Variants in GCNT2 observed in about 807,000 individuals in gnomAD.
The protein encoded by GCNT2 is glucosaminyl (N-acetyl) transferase 2 (I blood group).
A neutral mutation model predicts 34.2 loss-of-function variants in GCNT2; 34 were observed. The ratio of observed to expected loss-of-function variants is 1.00; its 90% CI spans 0.76 to 1.32. The LOEUF (loss-of-function observed/expected upper bound fraction) is 1.32. GCNT2 is among the 40% of genes most tolerant of loss of function. GCNT2 has a pLI of 0.00. For synonymous variants in GCNT2, 212 were observed against 188.0 expected, an observed-to-expected ratio of 1.13 and a Z score of -1.04; for missense variants, 584 against 489.4, an observed-to-expected ratio of 1.19 and a Z score of -1.82.
chr6:10,599,230 T>A (rs993457401), intron 3 of GCNT2, among the ~76,000 whole-genome samples: 4 of 152,202 alleles, frequency 2.6e-5, no homozygotes, highest in Admixed American at 6.5e-5. Flanking sequence ...TGGGATCGAT[T>A]GTACCAGGTG....
At chr6:10,575,423 G>A (rs1343888890) in intron 3 of GCNT2, among the ~76,000 whole-genome samples, 3 of 149,304 alleles carry the variant, frequency 2.0e-5, no homozygotes, top group Admixed American at 6.7e-5. Context: ...GTGCAATGGC[G>A]CGTTCTCAGC....
chr6:10,537,732 CA>C (rs1761839462), intron 3 of GCNT2, among the ~76,000 whole-genome samples: 1 of 102,094 alleles, frequency 9.8e-6, no homozygotes, highest in Non-Finnish European at 2.1e-5. Flanking sequence ...AAAAACAAAA[CA>C]AAGAAAACGA....
At chr6:10,570,825 G>A (rs1763524182) in intron 3 of GCNT2, among the ~76,000 whole-genome samples, 2 of 152,162 alleles carry the variant, frequency 1.3e-5, no homozygotes, top group African/African-American at 2.4e-5. Context: ...ACTTGTCTCT[G>A]TCTGGTTTCT....
chr6:10,605,952 T>C (rs1160691111), intron 3 of GCNT2, among the ~76,000 whole-genome samples: 2 of 152,184 alleles, frequency 1.3e-5, no homozygotes, highest in East Asian at 3.9e-4. Flanking sequence ...TCTCCTTCTC[T>C]GATGGGCTTG....
At chr6:10,574,372 A>C (rs1581429244) in intron 3 of GCNT2, among the ~76,000 whole-genome samples, 2 of 152,146 alleles carry the variant, frequency 1.3e-5, no homozygotes, top group Admixed American at 6.5e-5. Flanking sequence ...TATTACCTTC[A>C]TTTTACAGAA....
intron 3 of GCNT2, chr6:10,530,375 A>T (rs1761426724): frequency 6.5e-6 from 1 of 152,748 alleles, no homozygotes; most frequent in Non-Finnish European, 1.5e-5. Flanking sequence ...TAAATAAATA[A>T]ATAAATAAAA....
chr6:10,571,565 C>G (rs1763557292), intron 3 of GCNT2, among the ~76,000 whole-genome samples: 1 of 152,154 alleles, frequency 6.6e-6, no homozygotes. Context: ...GTTGGCCGGA[C>G]TGGTCTTGAA....
At chr6:10,621,531 G>A (rs1357865009) in intron 4 of GCNT2, 88 bp downstream of exon 4, 4 of 813,688 alleles carry the variant, frequency 4.9e-6, no homozygotes, top group Admixed American at 2.0e-5. Flanking sequence ...CATGGAGAGA[G>A]AATTGCTGCT....
At chr6:10,619,493 G>T (rs911213183) in intron 3 of GCNT2, 22 of 152,238 alleles carry the variant, frequency 1.4e-4, no homozygotes, top group African/African-American at 5.3e-4. Flanking sequence ...GGGACCACAG[G>T]TGGGAGTCAC....
Position 10,586,344 on chromosome 6 carries a change from A to G in GCNT2, c.926-35007A>G, listed in dbSNP as rs544988068. 1.4e-5 allele frequency: 22 copies of G among 1,614,048 alleles called. 1 individual carries two copies. Among genetic ancestry groups the G allele is most frequent in the South Asian group, 1.1e-4 (10 of 91,080 alleles). On this transcript the variant is annotated intron_variant, in intron 3 of 4. Transcript: ENST00000495262. ...TGAAAGGCTCTTTAGGGCTATCTAT[A>G]TGCCCCAAAATGTCTACTGTGTTCA...
At chr6:10,565,583 A>T (rs1763239139) in intron 3 of GCNT2, among the ~76,000 whole-genome samples, 2 of 152,282 alleles carry the variant, frequency 1.3e-5, no homozygotes, top group African/African-American at 4.8e-5. Flanking sequence ...TAAAATCTCC[A>T]GCAAGGCTTT....
chr6:10,576,726 T>G (rs1035948997), intron 3 of GCNT2, among the ~76,000 whole-genome samples: 17 of 151,674 alleles, frequency 1.1e-4, no homozygotes, highest in African/African-American at 3.9e-4. Context: ...GAACCAGGAT[T>G]CAGAGATCAT....
intron 3 of GCNT2, among the ~76,000 whole-genome samples, chr6:10,618,906 T>C (rs1025973139): frequency 7.9e-5 from 12 of 152,212 alleles, no homozygotes; most frequent in African/African-American, 2.9e-4. Context: ...TCTTGCCTTA[T>C]AGAGAGCCCT....
At chr6:10,586,940 G>T in intron 3 of GCNT2, 1 of 1,510,992 alleles carries the variant, frequency 6.6e-7, no homozygotes, top group South Asian at 1.1e-5. Flanking sequence ...CATTCTGATT[G>T]ATAGATTGAG....
At chr6:10,611,413 C>A (rs62397693) in intron 3 of GCNT2, among the ~76,000 whole-genome samples, 2 of 150,940 alleles carry the variant, frequency 1.3e-5, no homozygotes, top group Non-Finnish European at 3.0e-5. Flanking sequence ...TCACTGAAAC[C>A]TCCGCCTCCC....
chr6:10,522,855 C>T (rs1426910809), intron 1 of GCNT2, among the ~76,000 whole-genome samples: 1 of 152,154 alleles, frequency 6.6e-6, no homozygotes, highest in South Asian at 2.1e-4. Context: ...GTTCTAGCTT[C>T]TCATAATATC....
At chr6:10,617,220 A>T (rs1765811609) in intron 3 of GCNT2, among the ~76,000 whole-genome samples, 1 of 152,158 alleles carries the variant, frequency 6.6e-6, no homozygotes, top group South Asian at 2.1e-4. Context: ...GAGGCAGCTA[A>T]GGCCCAGCGA....
chr6:10,527,945 G>T (rs1204982478), intron 2 of GCNT2, among the ~76,000 whole-genome samples: 2 of 152,108 alleles, frequency 1.3e-5, no homozygotes, highest in Non-Finnish European at 2.9e-5. Flanking sequence ...ATTCAAGACT[G>T]AGATGCTCTT....
chr6:10,544,859 C>A (rs1334233295), intron 3 of GCNT2, among the ~76,000 whole-genome samples: 1 of 151,330 alleles, frequency 6.6e-6, no homozygotes. Context: ...GCAGGAGAAT[C>A]ACTGGAAACC....
Sources: gnomAD v4.1 joint callset for allele counts (sites outside exome capture counted in the v4.1 genomes callset) on GRCh38, gnomAD v4.1.1 for gene constraint, MANE v1.5 for transcripts, NCBI Gene and HGNC (gene_info 2026-07-23, HGNC 2026-07-21) for gene names.